IL1RAPL1: variants seen among roughly 807,000 people sequenced by gnomAD.
IL1RAPL1 encodes interleukin 1 receptor accessory protein like 1.
Under a neutral mutation model 48.4 loss-of-function variants are expected in IL1RAPL1, and 3 were observed. The ratio of observed to expected loss-of-function variants is 0.06; its 90% CI spans 0.03 to 0.16. IL1RAPL1 has a LOEUF of 0.16. Among genes scored for constraint, IL1RAPL1 ranks in the 10% least tolerant of loss-of-function variants. The pLI, the probability that IL1RAPL1 is intolerant of heterozygous loss-of-function variation, is 1.00. For missense variants in IL1RAPL1, 349 were observed against 530.6 expected, an observed-to-expected ratio of 0.66 and a Z score of 3.36; for synonymous variants, 185 against 187.7, an observed-to-expected ratio of 0.99 and a Z score of 0.12.
chrX:29,013,588 A>G (rs964957958), intron 2 of IL1RAPL1, among the ~76,000 whole-genome samples: 11 of 111,850 alleles, frequency 9.8e-5, no homozygotes, highest in Non-Finnish European at 1.3e-4. Context: ...GGAAACCATT[A>G]TCCTCAGCAA....
chrX:29,066,882 TTGTC>T lies in IL1RAPL1; in HGVS notation c.83-216053_83-216050del, dbSNP rs760510963. Among the ~76,000 whole-genome samples the T allele has an allele frequency of 3.8e-3, 428 of 111,476 alleles. 2 individuals are homozygous for T. The highest frequency in any genetic ancestry group is 4.7e-3 in the Non-Finnish European group (251 of 53,049). On this transcript the variant is annotated intron_variant, in intron 2 of 10. Transcript: ENST00000378993. ...CTGCTCTTCAGGGAGAGAGTCGTCT[TTGTC>T]TGGGAGCTGGGGAGAGTGTTAAGTC... is the stretch of plus-strand genomic sequence containing the variant.
At chrX:29,922,306 T>TG (rs927432499) in intron 8 of IL1RAPL1, among the ~76,000 whole-genome samples, 11 of 111,912 alleles carry the variant, frequency 9.8e-5, no homozygotes, top group African/African-American at 3.2e-4. Context: ...TTCCTAAACA[T>TG]GAAAAAAATG....
At chrX:28,936,489 A>G (rs971413576) in intron 2 of IL1RAPL1, among the ~76,000 whole-genome samples, 1 of 110,816 alleles carries the variant, frequency 9.0e-6, no homozygotes, top group African/African-American at 3.3e-5. Flanking sequence ...CAGCCTGGGC[A>G]ACAAAGTGAC....
intron 2 of IL1RAPL1, among the ~76,000 whole-genome samples, chrX:28,998,651 G>A (rs1925777602): frequency 8.9e-6 from 1 of 112,056 alleles, no homozygotes; most frequent in Non-Finnish European, 1.9e-5. Flanking sequence ...AAAATGATAG[G>A]TTTTATTGCA....
chrX:29,206,470 A>G (rs1359914071), intron 2 of IL1RAPL1, among the ~76,000 whole-genome samples: 1 of 111,531 alleles, frequency 9.0e-6, no homozygotes, highest in East Asian at 2.8e-4. Flanking sequence ...TAGGAAGACA[A>G]TTACATTTGA....
At chrX:28,635,314 A>T (rs1226304832) in intron 1 of IL1RAPL1, among the ~76,000 whole-genome samples, 1 of 111,974 alleles carries the variant, frequency 8.9e-6, no homozygotes, top group Non-Finnish European at 1.9e-5. Flanking sequence ...CAAGTAGGGT[A>T]CAATCTCAGA....
chrX:28,735,349 T>G (rs1339182357), intron 1 of IL1RAPL1, among the ~76,000 whole-genome samples: 1 of 110,890 alleles, frequency 9.0e-6, no homozygotes, highest in African/African-American at 3.3e-5. Flanking sequence ...TCTCTTCAAC[T>G]AGCTTGCCAA....
chrX:28,734,342 C>A (rs891188792), intron 1 of IL1RAPL1, among the ~76,000 whole-genome samples: 1 of 110,711 alleles, frequency 9.0e-6, no homozygotes, highest in South Asian at 3.8e-4. Flanking sequence ...TATATAGTGG[C>A]CCCCATTATT....
intron 2 of IL1RAPL1, among the ~76,000 whole-genome samples, chrX:29,240,204 ATATAT>A: frequency 7.1e-5 from 1 of 14,122 alleles, no homozygotes; most frequent in South Asian, 2.8e-3. Flanking sequence ...ACATATATAT[ATATAT>A]ATATATATAT....
intron 2 of IL1RAPL1, among the ~76,000 whole-genome samples, chrX:29,237,188 T>C (rs935968333): frequency 2.7e-5 from 3 of 111,780 alleles, no homozygotes; most frequent in Non-Finnish European, 5.6e-5. Flanking sequence ...AAAACGAACA[T>C]AACCTAATTA....
At chrX:29,218,585 G>A (rs1205983681) in intron 2 of IL1RAPL1, among the ~76,000 whole-genome samples, 1 of 111,510 alleles carries the variant, frequency 9.0e-6, no homozygotes, top group African/African-American at 3.2e-5. Flanking sequence ...ACCTAAAATT[G>A]TTGACTGCTA....
intron 2 of IL1RAPL1, among the ~76,000 whole-genome samples, chrX:28,869,389 A>C (rs1315265788): frequency 8.9e-6 from 1 of 111,921 alleles, no homozygotes; most frequent in Admixed American, 9.5e-5. Flanking sequence ...CATTTATTAT[A>C]ATTTATATCA....
At chrX:29,905,426 G>C (rs1932589511) in intron 6 of IL1RAPL1, among the ~76,000 whole-genome samples, 2 of 111,669 alleles carry the variant, frequency 1.8e-5, no homozygotes, top group Admixed American at 1.9e-4. Context: ...TTTTAGTCAT[G>C]AAGTCTTTGC....
At position 28,789,317 on chromosome X, in the gene IL1RAPL1, T is replaced by TA. The variant is rs748684762; in HGVS notation, c.-24-2dup. 1 of 1,099,508 alleles carries TA rather than the reference T, an allele frequency of 9.1e-7. No homozygotes were observed. The highest frequency in any genetic ancestry group is 1.8e-5 in the African/African-American group (1 of 55,255). The allele number at this position is 1,099,508 out of a possible 1,213,427, so 90.6% of individuals were successfully genotyped here. The stretch of plus-strand genomic sequence containing the variant: ...TTTTTCTTCTTTTTAATCTTTGCTT[T>TA]AGGGAACGGCCTTTAAGAGCTGGAA... On this transcript the variant is annotated splice_polypyrimidine_tract_variant and splice_region_variant and intron_variant, in intron 1 of 10. Transcript: ENST00000378993.
intron 5 of IL1RAPL1, among the ~76,000 whole-genome samples, chrX:29,490,422 A>G (rs1215948901): frequency 5.4e-5 from 6 of 110,711 alleles, no homozygotes; most frequent in Non-Finnish European, 1.9e-5. Context: ...AATCCCAGCT[A>G]CATGGGTGGC....
At chrX:29,326,871 C>T (rs1421719477) in intron 3 of IL1RAPL1, among the ~76,000 whole-genome samples, 1 of 112,153 alleles carries the variant, frequency 8.9e-6, no homozygotes, top group African/African-American at 3.2e-5. Context: ...TATGTCCTTT[C>T]CTGTATAACC....
chrX:28,742,431 A>C (rs1378771136), intron 1 of IL1RAPL1, among the ~76,000 whole-genome samples: 1 of 111,412 alleles, frequency 9.0e-6, no homozygotes, highest in East Asian at 2.8e-4. Context: ...CAAAGATGAA[A>C]ATGTATTTTC....
chrX:28,633,351 C>T (rs1323453738), intron 1 of IL1RAPL1, among the ~76,000 whole-genome samples: 1 of 111,573 alleles, frequency 9.0e-6, no homozygotes, highest in Non-Finnish European at 1.9e-5. Context: ...CTTAAGAACA[C>T]TCCCAAATCA....
At chrX:29,116,138 A>G (rs188227062) in intron 2 of IL1RAPL1, among the ~76,000 whole-genome samples, 1 of 111,464 alleles carries the variant, frequency 9.0e-6, no homozygotes, top group Admixed American at 9.7e-5. Flanking sequence ...AATTAATTTT[A>G]TTTAAATGTA....
Sources: allele counts gnomAD v4.1 joint callset (sites outside exome capture counted in the v4.1 genomes callset), GRCh38; gene constraint gnomAD v4.1.1; transcripts MANE v1.5; gene names NCBI Gene and HGNC (gene_info 2026-07-23, HGNC 2026-07-21).